NIBAN1: variants seen among roughly 807,000 people sequenced by gnomAD.
NIBAN1 encodes protein Niban 1.
Under a neutral mutation model 75.1 loss-of-function variants are expected in NIBAN1, and 81 were observed. That is an observed-to-expected ratio of 1.08 (90% CI 0.90 to 1.30). The LOEUF is 1.30. Ranked by LOEUF, NIBAN1 falls within the 50% of genes most tolerant of loss-of-function variation. The pLI, the probability that NIBAN1 is intolerant of heterozygous loss-of-function variation, is 0.00. For missense variants in NIBAN1, 1,133 were observed against 1,128.1 expected (o/e 1.00, Z -0.06); for synonymous variants, 436 against 424.8 (o/e 1.03, Z -0.32).
At chr1:184,812,374 C>G (rs1420389321) in intron 9 of NIBAN1, among the ~76,000 whole-genome samples, 10 of 152,092 alleles carry the variant, frequency 6.6e-5, no homozygotes, top group Non-Finnish European at 1.5e-4. Flanking sequence ...AATAATTTTC[C>G]TTTATGACGT....
intron 5 of NIBAN1, among the ~76,000 whole-genome samples, chr1:184,858,351 A>T (rs1655731382): frequency 6.6e-6 from 1 of 152,226 alleles, no homozygotes; most frequent in Non-Finnish European, 1.5e-5. Context: ...AAGAAGAAGA[A>T]AAAGAATGAA....
chr1:184,900,347 G>A (rs986525741), intron 1 of NIBAN1, among the ~76,000 whole-genome samples: 17 of 152,152 alleles, frequency 1.1e-4, no homozygotes, highest in African/African-American at 3.9e-4. Context: ...GAAACCAGCT[G>A]TACAACCTCA....
chr1:184,867,149 C>T (rs1356038342), intron 5 of NIBAN1, among the ~76,000 whole-genome samples: 2 of 151,538 alleles, frequency 1.3e-5, no homozygotes, highest in Non-Finnish European at 2.9e-5. Context: ...CACTCTCTCT[C>T]GGTCTCTCTC....
intron 9 of NIBAN1, among the ~76,000 whole-genome samples, chr1:184,808,486 C>T (rs1185817119): frequency 6.6e-6 from 1 of 152,130 alleles, no homozygotes; most frequent in East Asian, 1.9e-4. Context: ...CAGCGGTGCA[C>T]CCACGGGGAC....
intron 5 of NIBAN1, among the ~76,000 whole-genome samples, chr1:184,837,273 C>A (rs767999060): frequency 2.6e-4 from 39 of 152,170 alleles, no homozygotes; most frequent in Non-Finnish European, 4.4e-4. Context: ...AGTCTCCTGG[C>A]AAGCCAACTT....
intron 1 of NIBAN1, among the ~76,000 whole-genome samples, chr1:184,960,044 A>G (rs775422235): frequency 2.6e-5 from 4 of 152,002 alleles, no homozygotes; most frequent in African/African-American, 7.3e-5. Context: ...TCTATTTTCC[A>G]TCTGTTAATC....
chr1:184,958,268 A>G (rs1259247601), intron 1 of NIBAN1, among the ~76,000 whole-genome samples: 2 of 151,774 alleles, frequency 1.3e-5, no homozygotes, highest in Non-Finnish European at 2.9e-5. Context: ...CCAGCTACTC[A>G]GGAGGCTGAG....
In NIBAN1 at chr1:184,831,837, C is replaced by A. The variant is rs751227702; in HGVS notation, c.717+10G>T. The A allele has an allele frequency of 1.9e-6, 3 of 1,603,198 alleles. No homozygotes were observed. Among genetic ancestry groups the A allele is most frequent in the East Asian group, 2.2e-5 (1 of 44,820 alleles). ...ACAGAGAGAATCCAAAATTTTGAAC[C>A]CCATATTACCTGGATTTCATCCCCA... On this transcript the variant is annotated intron_variant, in intron 6 of 13. Transcript: ENST00000367511.
At chr1:184,866,776 T>C (rs1328916224) in intron 5 of NIBAN1, among the ~76,000 whole-genome samples, 1 of 152,170 alleles carries the variant, frequency 6.6e-6, no homozygotes, top group Non-Finnish European at 1.5e-5. Context: ...TCTATGCTGG[T>C]AATTTCACTA....
In NIBAN1 at chr1:184,971,400, G is replaced by A. The variant is rs145549140; in HGVS notation, c.55+2902C>T. ...ATTAAAAAAAAGATTGGCTGGGCAC[G>A]GTATCTCATGCCTATAATCCCAGCA... On this transcript the variant is annotated intron_variant, in intron 1 of 13. Coordinates refer to ENST00000367511, the MANE Select transcript of NIBAN1 (RefSeq NM_052966.4). Among the ~76,000 whole-genome samples the A allele has an allele frequency of 3.2e-3, 484 of 152,086 alleles. 1 individual carries two copies. Among genetic ancestry groups the A allele is most frequent in the Non-Finnish European group, 5.3e-3 (361 of 67,992 alleles).
chr1:184,927,190 T>C (rs1657705033), intron 1 of NIBAN1, among the ~76,000 whole-genome samples: 1 of 152,056 alleles, frequency 6.6e-6, no homozygotes, highest in African/African-American at 2.4e-5. Flanking sequence ...TGAGGTCAAG[T>C]TTTCCTGGAT....
intron 5 of NIBAN1, among the ~76,000 whole-genome samples, chr1:184,854,672 A>T (rs1256008366): frequency 2.0e-5 from 3 of 152,214 alleles, no homozygotes; most frequent in Non-Finnish European, 4.4e-5. Context: ...TCATTTCCAA[A>T]CAGGATACAG....
rs551696013 is a variant in NIBAN1 at position 184,840,523 on chromosome 1, A to G, written c.602-8561T>C. Among the ~76,000 whole-genome samples the G allele has an allele frequency of 2.6e-5, 4 of 152,142 alleles. No individual in the cohort carries two copies. In the East Asian group the frequency reaches 7.7e-4, roughly 29 times the overall value. On this transcript the variant is annotated intron_variant, in intron 5 of 13. Transcript: ENST00000367511. ...GAAGAATGGTGTTTCTAGTAAAGAC[A>G]TTGTTCTGAGATAAATTTTTGGCTG...
intron 1 of NIBAN1, among the ~76,000 whole-genome samples, chr1:184,929,920 G>A (rs1657778796): frequency 6.6e-6 from 1 of 152,196 alleles, no homozygotes; most frequent in African/African-American, 2.4e-5. Flanking sequence ...GCAACTAGCA[G>A]ATTAGAACAG....
At chr1:184,815,542 T>G (rs1345324631) in intron 9 of NIBAN1, among the ~76,000 whole-genome samples, 1 of 152,242 alleles carries the variant, frequency 6.6e-6, no homozygotes, top group Non-Finnish European at 1.5e-5. Context: ...AGACTTCTGC[T>G]ATCACAAGAC....
At chr1:184,974,048 G>T (rs1659006767) in intron 1 of NIBAN1, among the ~76,000 whole-genome samples, 2 of 152,088 alleles carry the variant, frequency 1.3e-5, no homozygotes, top group Admixed American at 6.5e-5. Context: ...CGGCGGGAGC[G>T]GCGAAGGCGC....
chr1:184,809,297 C>A (rs191992148), intron 9 of NIBAN1, among the ~76,000 whole-genome samples: 111 of 152,274 alleles, frequency 7.3e-4, no homozygotes, highest in Non-Finnish European at 1.5e-3. Context: ...GTGGAACTTG[C>A]AGCTCCTCAC....
intron 5 of NIBAN1, among the ~76,000 whole-genome samples, chr1:184,883,976 GA>G (rs1388287153): frequency 2.6e-5 from 4 of 152,186 alleles, no homozygotes; most frequent in Non-Finnish European, 5.9e-5. Flanking sequence ...CTGGCATTTA[GA>G]TTTTTTTAAA....
chr1:184,840,143 T>A lies in NIBAN1; in HGVS notation c.602-8181A>T, dbSNP rs903493919. ...TGAAATGGTAATAAAAGTTTTAATT[T>A]TTATTTTAAAACACATTTATACATG... On this transcript the variant is annotated intron_variant, in intron 5 of 13. Transcript: ENST00000367511. Among the ~76,000 whole-genome samples the A allele has an allele frequency of 2.6e-5, 4 of 152,238 alleles. No homozygotes were observed. In the East Asian group the frequency reaches 5.8e-4, roughly 22 times the overall value.
Sources: gnomAD v4.1 joint callset for allele counts (sites outside exome capture counted in the v4.1 genomes callset) on GRCh38, gnomAD v4.1.1 for gene constraint, MANE v1.5 for transcripts, NCBI Gene and HGNC (gene_info 2026-07-23, HGNC 2026-07-21) for gene names.